AFF4: variants seen among roughly 807,000 people sequenced by gnomAD.
The protein encoded by AFF4 is ALF transcription elongation factor 4.
In AFF4, 13 loss-of-function variants were observed where a neutral mutation model predicts 124.8. That is an observed-to-expected ratio of 0.10 (90% confidence interval 0.07 to 0.17). The LOEUF is 0.17. AFF4 is among the 10% of genes least tolerant of loss of function. The pLI, the probability that AFF4 is intolerant of heterozygous loss-of-function variation, is 1.00. For missense variants in AFF4, 1,092 were observed against 1,403.8 expected (o/e 0.78, Z 3.55); for synonymous variants, 477 against 496.1 (o/e 0.96, Z 0.51).
Position 132,888,169 on chromosome 5 carries a change from C to T in AFF4, c.2733-9G>A, listed in dbSNP as rs752058447. On this transcript the variant is annotated splice_polypyrimidine_tract_variant and intron_variant, in intron 14 of 20. Transcript: ENST00000265343. ...GGTCTGCTGAATAATTTCTGCAAGACAAATTTTCATTATAAATAGAATAGT... is the reference window on the plus strand; with the variant it reads ...GGTCTGCTGAATAATTTCTGCAAGATAAATTTTCATTATAAATAGAATAGT... The T allele has an allele frequency of 1.9e-6, 3 of 1,597,676 alleles. No individual in the cohort carries two copies. The highest frequency in any genetic ancestry group is 2.2e-5 in the South Asian group (2 of 89,350).
At chr5:132,935,826 G>C (rs1049180407) in intron 2 of AFF4, among the ~76,000 whole-genome samples, 1 of 151,678 alleles carries the variant, frequency 6.6e-6, no homozygotes, top group Non-Finnish European at 1.5e-5. Context: ...GAGAGGCTGA[G>C]GCAGGAGAAT....
chr5:132,940,312 C>T (rs912393651), intron 1 of AFF4, among the ~76,000 whole-genome samples: 2 of 151,656 alleles, frequency 1.3e-5, no homozygotes, highest in Non-Finnish European at 2.9e-5. Flanking sequence ...TCCTGGCTAA[C>T]ACAGTGAAAC....
rs1762130156 is a variant in AFF4 at position 132,963,536 on chromosome 5, G to A, written c.-282C>T. On this transcript the variant is annotated 5_prime_UTR_variant, in exon 1 of 21. Transcript: ENST00000265343. ...CGGGCTGGGACAGCTGACTGAGGCGGCGGGGGCGGGTTAACGAAGACCTGG... is the reference window on the plus strand; with the variant it reads ...CGGGCTGGGACAGCTGACTGAGGCGACGGGGGCGGGTTAACGAAGACCTGG... 2.5e-6 allele frequency: 1 copy of A among 398,260 alleles called. No individual in the cohort carries two copies. Among genetic ancestry groups the A allele is most frequent in the Non-Finnish European group, 4.4e-6 (1 of 225,842 alleles). The allele number at this position is 398,260 out of a possible 1,614,324, so 24.7% of individuals were successfully genotyped here.
At chr5:132,912,341 C>CA (rs896196842) in intron 5 of AFF4, among the ~76,000 whole-genome samples, 1 of 151,542 alleles carries the variant, frequency 6.6e-6, no homozygotes. Flanking sequence ...TACTCTGTCT[C>CA]AAAAAAAAGT....
chr5:132,951,807 C>T (rs1761848780), intron 1 of AFF4, among the ~76,000 whole-genome samples: 1 of 139,712 alleles, frequency 7.2e-6, no homozygotes, highest in African/African-American at 2.9e-5. Flanking sequence ...GGATTATTGG[C>T]ATGAGCCACC....
At chr5:132,930,613 A>C (rs1761275673) in intron 4 of AFF4, among the ~76,000 whole-genome samples, 1 of 151,866 alleles carries the variant, frequency 6.6e-6, no homozygotes, top group South Asian at 2.1e-4. Context: ...AGGTGTTCAC[A>C]GTGAATTTAA....
At chr5:132,952,624 T>G (rs1442389344) in intron 1 of AFF4, among the ~76,000 whole-genome samples, 1 of 152,200 alleles carries the variant, frequency 6.6e-6, no homozygotes, top group Admixed American at 6.5e-5. Context: ...CCAGGCGCGG[T>G]GGCTCACACC....
intron 7 of AFF4, chr5:132,900,871 C>A: frequency 2.0e-6 from 2 of 982,504 alleles, no homozygotes; most frequent in Non-Finnish European, 2.4e-6. Context: ...AATTCCATTA[C>A]CTTTCTTAAA....
intron 5 of AFF4, among the ~76,000 whole-genome samples, chr5:132,917,393 A>C (rs894306610): frequency 7.2e-5 from 11 of 152,328 alleles, no homozygotes; most frequent in African/African-American, 2.6e-4. Context: ...ATCCACAAAA[A>C]GCCTGCAGCT....
chr5:132,912,854 AACAC>A lies in AFF4; in HGVS notation c.1051-8454_1051-8451del, dbSNP rs71221402. Among the ~76,000 whole-genome samples, 593 of 146,686 alleles carry A rather than the reference AACAC, an allele frequency of 4.0e-3. 2 individuals carry two copies. Among genetic ancestry groups the A allele is most frequent in the Non-Finnish European group, 5.4e-3 (357 of 66,118 alleles). ...TGAAGATAGAGGCTGACACACACACAACACACACACACACACACACACACACACA... is the reference window on the plus strand; with the variant it reads ...TGAAGATAGAGGCTGACACACACACAACACACACACACACACACACACACA... On this transcript the variant is annotated intron_variant, in intron 5 of 20. Transcript: ENST00000265343.
chr5:132,882,486 T>A (rs1378049775), intron 20 of AFF4, among the ~76,000 whole-genome samples: 3 of 152,308 alleles, frequency 2.0e-5, no homozygotes, highest in South Asian at 2.1e-4. Flanking sequence ...AAAGACTTTA[T>A]AATTCTCCAT....
intron 1 of AFF4, among the ~76,000 whole-genome samples, chr5:132,949,436 G>A (rs1254899290): frequency 6.6e-6 from 1 of 152,064 alleles, no homozygotes; most frequent in Non-Finnish European, 1.5e-5. Context: ...CCGCACTTTG[G>A]GAGGCCAAGG....
intron 18 of AFF4, among the ~76,000 whole-genome samples, chr5:132,886,082 G>C (rs1760112349): frequency 6.6e-6 from 1 of 152,146 alleles, no homozygotes; most frequent in South Asian, 2.1e-4. Context: ...GAAAACAAAA[G>C]ATCATTTAAA....
At chr5:132,952,165 A>T (rs1761859139) in intron 1 of AFF4, among the ~76,000 whole-genome samples, 1 of 152,252 alleles carries the variant, frequency 6.6e-6, no homozygotes, top group Non-Finnish European at 1.5e-5. Flanking sequence ...GAACTACTGC[A>T]GAGGATGAAC....
chr5:132,913,577 G>A (rs1439841676), intron 5 of AFF4, among the ~76,000 whole-genome samples: 1 of 152,104 alleles, frequency 6.6e-6, no homozygotes, highest in Non-Finnish European at 1.5e-5. Flanking sequence ...CTGAGTAGTT[G>A]CAACTGCAGG....
chr5:132,955,871 T>A (rs1233617018), intron 1 of AFF4, among the ~76,000 whole-genome samples: 1 of 145,616 alleles, frequency 6.9e-6, no homozygotes, highest in South Asian at 2.1e-4. Flanking sequence ...ATATAGTATA[T>A]AATATACATC....
intron 17 of AFF4, 122 bp downstream of exon 17, chr5:132,887,399 G>A: frequency 1.1e-6 from 1 of 890,460 alleles, no homozygotes; most frequent in African/African-American, 1.7e-5. Flanking sequence ...GACCCATCAG[G>A]AACAGATTTA....
In AFF4 at chr5:132,934,457, T is replaced by C. The variant is rs774934694; in HGVS notation, c.608A>G (p.His203Arg). ...SHSRSHGNDHHSKEHQRSKSP... is the reference protein window; with the variant it reads ...SHSRSHGNDHRSKEHQRSKSP... ...TTTGGAGCGTTGATGTTCCTTGCTA[T>C]GGTGATCATTCCCATGAGACCTGGA... Residue 203 changes from histidine to arginine, a missense_variant, in exon 3 of 21, where the codon CAT becomes CGT. Physicochemically the swap from His to Arg is conservative, Grantham distance 29. This residue lies in a region of AFF4 where 188 missense variants were observed against 203.0 expected (regional missense o/e 0.93). Transcript: ENST00000265343. The C allele has an allele frequency of 1.9e-6, 3 of 1,614,140 alleles. No individual in the cohort carries two copies. Among genetic ancestry groups the C allele is most frequent in the East Asian group, 2.2e-5 (1 of 44,880 alleles).
Position 132,898,102 on chromosome 5 carries a change from A to G in AFF4, c.1389+128T>C, listed in dbSNP as rs960583920. Reference sequence around the variant, plus strand: ...CTAGATTTCCTCCAACGTACACAGTACAATTTCTTTTTGTCAGACTATGGA... The same window carrying G: ...CTAGATTTCCTCCAACGTACACAGTGCAATTTCTTTTTGTCAGACTATGGA... On this transcript the variant is annotated intron_variant, in intron 10 of 20. Coordinates refer to ENST00000265343, the MANE Select transcript of AFF4 (RefSeq NM_014423.4). The G allele has an allele frequency of 1.1e-5, 13 of 1,209,040 alleles. No homozygotes were observed. In the African/African-American group the frequency reaches 1.8e-4, roughly 17 times the overall value. 74.9% of individuals were successfully genotyped at this position (1,209,040 alleles called of 1,614,324 possible).
Sources: gnomAD v4.1 joint callset for allele counts (sites outside exome capture counted in the v4.1 genomes callset) on GRCh38, gnomAD v4.1.1 for gene constraint, gnomAD v4.1.1 regional missense constraint, MANE v1.5 for transcripts, NCBI Gene and HGNC (gene_info 2026-07-23, HGNC 2026-07-21) for gene names.